SPATA45: variants seen among roughly 807,000 people sequenced by gnomAD.
The protein encoded by SPATA45 is spermatogenesis associated 45.
A neutral mutation model predicts 7.0 loss-of-function variants in SPATA45; 5 were observed. That is an observed-to-expected ratio of 0.71 (90% confidence interval 0.37 to 1.50). The LOEUF is 1.50. SPATA45 is among the 40% of genes most tolerant of loss of function. SPATA45 has a pLI of 0.03. For missense variants in SPATA45, 111 were observed against 114.9 expected (o/e 0.97, Z 0.16); for synonymous variants, 40 against 38.7 (o/e 1.03, Z -0.13).
chr1:212,843,666 A>G (rs1297282020), intron 1 of SPATA45, among the ~76,000 whole-genome samples: 2 of 152,224 alleles, frequency 1.3e-5, no homozygotes, highest in Non-Finnish European at 2.9e-5. Flanking sequence ...AAAGGGCCCT[A>G]TGTGACTGTT....
At position 212,835,751 on chromosome 1, in the gene SPATA45, G is replaced by T. The variant is rs1016054574; in HGVS notation, c.277+122C>A. 14 of 853,666 alleles carry T rather than the reference G, an allele frequency of 1.6e-5. No homozygotes were observed. The African/African-American group carries it at 1.9e-4, about 12-fold the overall frequency. 52.9% of individuals were successfully genotyped at this position (853,666 alleles called of 1,614,324 possible). ...CCTGGGAGGCTGAGACAGAAGAATCGCTTGAACCCGGGAGGTGGAGGTTGC... is the reference window on the plus strand; with the variant it reads ...CCTGGGAGGCTGAGACAGAAGAATCTCTTGAACCCGGGAGGTGGAGGTTGC... On this transcript the variant is annotated intron_variant, in intron 2 of 2. Coordinates refer to ENST00000332912, the MANE Select transcript of SPATA45 (RefSeq NM_001024601.3).
intron 1 of SPATA45, among the ~76,000 whole-genome samples, chr1:212,839,282 A>C (rs544618427): frequency 6.6e-6 from 1 of 150,708 alleles, no homozygotes. Context: ...AAGCCAGACA[A>C]ATCAGAATGT....
intron 1 of SPATA45, among the ~76,000 whole-genome samples, chr1:212,837,819 A>C (rs1663615451): frequency 6.6e-6 from 1 of 151,776 alleles, no homozygotes; most frequent in Non-Finnish European, 1.5e-5. Flanking sequence ...AATATTCAGC[A>C]CTGATAAATG....
At chr1:212,841,821 G>A (rs1384079483) in intron 1 of SPATA45, among the ~76,000 whole-genome samples, 2 of 151,966 alleles carry the variant, frequency 1.3e-5, no homozygotes, top group Admixed American at 1.3e-4. Context: ...GCAGTGGCGT[G>A]ATCTTGGCTC....
At chr1:212,843,092 G>A (rs972283166) in intron 1 of SPATA45, among the ~76,000 whole-genome samples, 6 of 97,218 alleles carry the variant, frequency 6.2e-5, no homozygotes, top group East Asian at 2.8e-4. Flanking sequence ...GCAAGACTCC[G>A]TCAAACATAC....
intron 2 of SPATA45, among the ~76,000 whole-genome samples, chr1:212,833,503 C>CAAAAAAAAAA (rs35760900): frequency 1.7e-4 from 19 of 108,602 alleles, no homozygotes; most frequent in Non-Finnish European, 2.8e-4. Context: ...TACTAAAATA[C>CAAAAAAAAAA]AAAAAAAAAA....
chr1:212,842,635 T>G (rs1377923540), intron 1 of SPATA45, among the ~76,000 whole-genome samples: 1 of 152,202 alleles, frequency 6.6e-6, no homozygotes, highest in African/African-American at 2.4e-5. Context: ...CTTGTTTAAG[T>G]TACTTACCTT....
intron 1 of SPATA45, among the ~76,000 whole-genome samples, chr1:212,836,939 G>T (rs564574659): frequency 6.6e-6 from 1 of 150,974 alleles, no homozygotes; most frequent in Admixed American, 6.6e-5. Flanking sequence ...TTACAGGCAT[G>T]AGCCACCGTA....
chr1:212,834,944 A>G (rs1441742797), intron 2 of SPATA45, among the ~76,000 whole-genome samples: 1 of 151,580 alleles, frequency 6.6e-6, no homozygotes, highest in Non-Finnish European at 1.5e-5. Context: ...CATTGGCATC[A>G]GCATCACCTT....
intron 1 of SPATA45, among the ~76,000 whole-genome samples, chr1:212,838,673 T>C (rs190891009): frequency 1.4e-4 from 22 of 151,734 alleles, no homozygotes; most frequent in Admixed American, 1.4e-3. Flanking sequence ...ACTTTTGTTG[T>C]TGTTGTTGTT....
intron 2 of SPATA45, among the ~76,000 whole-genome samples, chr1:212,833,680 C>T (rs1295709206): frequency 1.3e-5 from 2 of 151,430 alleles, no homozygotes; most frequent in Non-Finnish European, 3.0e-5. Flanking sequence ...GAGTTGGGGC[C>T]TTGCTCTGGG....
intron 1 of SPATA45, among the ~76,000 whole-genome samples, chr1:212,837,152 T>C (rs982187344): frequency 2.6e-5 from 4 of 151,364 alleles, no homozygotes; most frequent in African/African-American, 9.7e-5. Flanking sequence ...ATTACATATA[T>C]TAATAATGTA....
In SPATA45 at chr1:212,836,673, G is replaced by T. The variant is rs554272397; in HGVS notation, c.-38-486C>A. Among the ~76,000 whole-genome samples the T allele has an allele frequency of 1.4e-4, 21 of 148,750 alleles. 1 individual carries two copies. In the East Asian group the frequency reaches 2.6e-3, roughly 19 times the overall value. Reference sequence around the variant, plus strand: ...TTTTATTTTTTTATTTTTTGAGATGGAGTCTCACTCTGTTGCCAAGGCTGG... The same window carrying T: ...TTTTATTTTTTTATTTTTTGAGATGTAGTCTCACTCTGTTGCCAAGGCTGG... On this transcript the variant is annotated intron_variant, in intron 1 of 2. Coordinates refer to ENST00000332912, the MANE Select transcript of SPATA45 (RefSeq NM_001024601.3).
chr1:212,836,506 T>A (rs986348660), intron 1 of SPATA45, among the ~76,000 whole-genome samples: 2 of 151,616 alleles, frequency 1.3e-5, no homozygotes, highest in African/African-American at 4.8e-5. Context: ...AATTTTTCTA[T>A]TATCAGTAGA....
chr1:212,846,059 AT>A (rs765905502), intron 1 of SPATA45, among the ~76,000 whole-genome samples: 2 of 151,812 alleles, frequency 1.3e-5, no homozygotes, highest in Non-Finnish European at 2.9e-5. Flanking sequence ...TTTAATACCT[AT>A]TTTTCTCCTT....
chr1:212,846,429 T>TGTAC (rs1663795626), intron 1 of SPATA45, among the ~76,000 whole-genome samples: 1 of 152,186 alleles, frequency 6.6e-6, no homozygotes, highest in Non-Finnish European at 1.5e-5. Context: ...CCCTGTGACC[T>TGTAC]GTACGTATAC....
Position 212,836,199 on chromosome 1 carries a change from T to A in SPATA45, c.-38-12A>T, listed in dbSNP as rs1382226686. ...TGATTCTTGCTGTCCTACAAACAAATGAAAAAATACTTTCAATTGTCTTTT... is the reference window on the plus strand; with the variant it reads ...TGATTCTTGCTGTCCTACAAACAAAAGAAAAAATACTTTCAATTGTCTTTT... On this transcript the variant is annotated splice_polypyrimidine_tract_variant and intron_variant, in intron 1 of 2. Coordinates refer to ENST00000332912, the MANE Select transcript of SPATA45 (RefSeq NM_001024601.3). 1.1e-5 allele frequency: 17 copies of A among 1,490,298 alleles called. No individual in the cohort carries two copies. In the Admixed American group the frequency reaches 1.4e-4, roughly 12 times the overall value. The allele number at this position is 1,490,298 out of a possible 1,614,324, so 92.3% of individuals were successfully genotyped here.
intron 2 of SPATA45, among the ~76,000 whole-genome samples, chr1:212,833,357 A>C (rs1663522646): frequency 1.3e-5 from 2 of 151,472 alleles, no homozygotes; most frequent in Admixed American, 1.3e-4. Context: ...GAGTCACTTC[A>C]CTTAGAATAA....
chr1:212,844,933 C>T (rs1026196335), intron 1 of SPATA45, among the ~76,000 whole-genome samples: 4 of 152,164 alleles, frequency 2.6e-5, no homozygotes, highest in Non-Finnish European at 5.9e-5. Context: ...GATAAGGTAA[C>T]CAAAGAAGCA....
Sources: gnomAD v4.1 joint callset for allele counts (sites outside exome capture counted in the v4.1 genomes callset) on GRCh38, gnomAD v4.1.1 for gene constraint, MANE v1.5 for transcripts, NCBI Gene and HGNC (gene_info 2026-07-23, HGNC 2026-07-21) for gene names.